Variants in ZNF721 observed in about 807,000 individuals in gnomAD.
The protein encoded by ZNF721 is zinc finger protein 721.
Under a neutral mutation model 2.4 loss-of-function variants are expected in ZNF721, and 2 were observed. That is an observed-to-expected ratio of 0.82 (90% confidence interval 0.34 to 2.58). The LOEUF (loss-of-function observed/expected upper bound fraction) is 2.58, where lower values mean the gene tolerates loss of function less well. Among genes scored for constraint, ZNF721 ranks in the 30% most tolerant of loss-of-function variants. The pLI is 0.11. For missense variants in ZNF721, 1,187 were observed against 1,085.5 expected (o/e 1.09, Z -1.31); for synonymous variants, 398 against 381.8 (o/e 1.04, Z -0.50).
intron 2 of ZNF721, among the ~76,000 whole-genome samples, chr4:452,839 G>A (rs1481811990): frequency 2.6e-5 from 4 of 152,162 alleles, no homozygotes; most frequent in Non-Finnish European, 5.9e-5. Flanking sequence ...TATGACTTGG[G>A]TCATGAGTTT....
chr4:454,973 G>T (rs1362891933), intron 2 of ZNF721, among the ~76,000 whole-genome samples: 1 of 152,168 alleles, frequency 6.6e-6, no homozygotes, highest in Non-Finnish European at 1.5e-5. Context: ...AAGAGCTAGG[G>T]TCCCACACTG....
chr4:478,601 C>T (rs1241756822), intron 1 of ZNF721, among the ~76,000 whole-genome samples: 1 of 152,050 alleles, frequency 6.6e-6, no homozygotes, highest in Non-Finnish European at 1.5e-5. Context: ...ATGTACATTC[C>T]ATTTTAAAAA....
chr4:492,461 T>C (rs1553871624), intron 1 of ZNF721, among the ~76,000 whole-genome samples: 2 of 152,190 alleles, frequency 1.3e-5, no homozygotes, highest in African/African-American at 2.4e-5. Flanking sequence ...AAATCTCTTA[T>C]GATTTATCAA....
At chr4:477,264 T>C (rs1715649295) in intron 1 of ZNF721, among the ~76,000 whole-genome samples, 1 of 146,478 alleles carries the variant, frequency 6.8e-6, no homozygotes, top group Admixed American at 6.8e-5. Flanking sequence ...CTTTTTTTTT[T>C]TTTTTTTTTT....
intron 2 of ZNF721, among the ~76,000 whole-genome samples, chr4:467,320 T>C (rs1176045832): frequency 1.3e-5 from 2 of 152,190 alleles, no homozygotes; most frequent in African/African-American, 4.8e-5. Context: ...GATCATACAA[T>C]AAGGATAAAT....
chr4:476,004 C>CT (rs1223309340), intron 1 of ZNF721, among the ~76,000 whole-genome samples: 5 of 152,202 alleles, frequency 3.3e-5, no homozygotes, highest in East Asian at 3.9e-4. Flanking sequence ...ACTTCTCAAA[C>CT]TTTTTTTTAC....
chr4:483,661 A>G (rs1715826183), intron 1 of ZNF721, among the ~76,000 whole-genome samples: 1 of 152,218 alleles, frequency 6.6e-6, no homozygotes, highest in South Asian at 2.1e-4. Context: ...TCTAGTCTAT[A>G]GCTACACAAA....
At chr4:494,348 A>AT (rs200096546) in intron 1 of ZNF721, among the ~76,000 whole-genome samples, 26,854 of 147,422 alleles carry the variant, frequency 0.18, 2,946 homozygotes, top group Middle Eastern at 0.26. Context: ...TGCCCATCTA[A>AT]TTTTTTTTTT....
intron 1 of ZNF721, among the ~76,000 whole-genome samples, chr4:476,307 A>G (rs1303955893): frequency 6.6e-6 from 1 of 152,242 alleles, no homozygotes. Flanking sequence ...CCCTGATAGC[A>G]GCAACTGTAT....
Position 444,136 on chromosome 4 carries a change from A to C in ZNF721, c.331T>G (p.Cys111Gly). 1 of 1,614,142 alleles carries C rather than the reference A, an allele frequency of 6.2e-7. No homozygotes were observed. The highest frequency in any genetic ancestry group is 2.2e-5 in the East Asian group (1 of 44,872). Residue 111 changes from cysteine to glycine, a missense_variant, in exon 3 of 3, where the codon TGT (cysteine) becomes GGT (glycine). Physicochemically the swap from Cys to Gly is radical, Grantham distance 159 (BLOSUM62 -3). Coordinates refer to ENST00000511833, the MANE Select transcript of ZNF721 (RefSeq NM_133474.4). ...TRHTGEKHFK[C>G]NECGKSFQKF... The stretch of plus-strand genomic sequence containing the variant: ...TGAAATGACTTGCCACATTCGTTAC[A>C]TTTAAAGTGTTTCTCTCCAGTATGT...
rs1714199317 is a variant in ZNF721, at chr4:440,572, G to C, written c.*1123C>G. On this transcript the variant is annotated 3_prime_UTR_variant, in exon 3 of 3. Transcript: ENST00000511833. Reference sequence around the variant, plus strand: ...TAGTTCTTTCTACTGTAAATCCTCTGATGTTTACATAGTCTTAATTTTAGC... The same window carrying C: ...TAGTTCTTTCTACTGTAAATCCTCTCATGTTTACATAGTCTTAATTTTAGC... The C allele has an allele frequency of 6.6e-6, 1 of 152,128 alleles. No homozygotes were observed. Among genetic ancestry groups the C allele is most frequent in the African/African-American group, 2.4e-5 (1 of 41,422 alleles). 9.4% of individuals were successfully genotyped at this position (152,128 alleles called of 1,614,324 possible).
Position 444,017 on chromosome 4 carries a change from T to C in ZNF721, c.450A>G (p.Thr150=). 1 of 1,613,842 alleles carries C rather than the reference T, an allele frequency of 6.2e-7. No individual in the cohort carries two copies. The highest frequency in any genetic ancestry group is 2.2e-5 in the East Asian group (1 of 44,860). The change falls in exon 3 of 3, where the codon ACA becomes ACG. Residue 150 remains threonine, a synonymous_variant. Transcript: ENST00000511833. ...GAATTTTCTTGTGTTGATTCAGGTC[T>C]GTGTACCATCCAAAGTCTTTGCCAC... ...EERGKDFGWY[T]DLNQHKKIHT... is the part of the protein sequence containing the mutation.
Position 480,823 on chromosome 4 carries a change from T to TGGG in ZNF721, c.-93-8125_-93-8123dup, listed in dbSNP as rs781937085. 1.6e-3 allele frequency among the ~76,000 whole-genome samples: 148 copies of TGGG among 91,538 alleles called. 5 individuals are homozygous for TGGG. The highest frequency in any genetic ancestry group is 5.8e-3 in the African/African-American group (123 of 21,296). The allele number at this position is 91,538 out of a possible 152,430, so 60.1% of individuals were successfully genotyped here. On this transcript the variant is annotated intron_variant, in intron 1 of 2. Coordinates refer to ENST00000511833, the MANE Select transcript of ZNF721 (RefSeq NM_133474.4). ...ACTTTTAAGTAGCTTTCACCTTTTG[T>TGGG]GGGGGGGGGGGGAATGCTGTTATAC...
At chr4:448,441 C>A (rs1347727720) in intron 2 of ZNF721, among the ~76,000 whole-genome samples, 25 of 141,232 alleles carry the variant, frequency 1.8e-4, no homozygotes, top group South Asian at 2.3e-4. Flanking sequence ...GTATCCCCCC[C>A]CAAAAAAAAA....
intron 2 of ZNF721, chr4:454,019 C>T (rs545862829): frequency 6.6e-6 from 1 of 152,186 alleles, no homozygotes; most frequent in African/African-American, 2.4e-5. Context: ...TCTAATGTTC[C>T]TCTGGGTTTC....
chr4:474,222 G>T, intron 1 of ZNF721: 1 of 387,490 alleles, frequency 2.6e-6, no homozygotes, highest in Admixed American at 3.6e-5. Context: ...TCAGTCAAGC[G>T]CTCTGATTGG....
intron 2 of ZNF721, among the ~76,000 whole-genome samples, chr4:472,151 C>G (rs1715456954): frequency 6.6e-6 from 1 of 152,234 alleles, no homozygotes; most frequent in South Asian, 2.1e-4. Context: ...CAACCTCTGC[C>G]TCCCAGGTTC....
chr4:445,382 G>T (rs1161247856), intron 2 of ZNF721, among the ~76,000 whole-genome samples: 2 of 152,052 alleles, frequency 1.3e-5, no homozygotes, highest in African/African-American at 4.8e-5. Context: ...TGTATGACAG[G>T]TTCCCATAAT....
chr4:468,800 T>C (rs1715338968), intron 2 of ZNF721, among the ~76,000 whole-genome samples: 1 of 152,156 alleles, frequency 6.6e-6, no homozygotes, highest in Admixed American at 6.5e-5. Context: ...GTTAAATCCT[T>C]AAAATATACA....
Sources: allele counts gnomAD v4.1 joint callset (sites outside exome capture counted in the v4.1 genomes callset), GRCh38; gene constraint gnomAD v4.1.1; transcripts MANE v1.5; gene names NCBI Gene and HGNC (gene_info 2026-07-23, HGNC 2026-07-21).